Variants in LRBA observed in about 807,000 individuals in gnomAD.
The protein encoded by LRBA is LPS responsive beige-like anchor protein.
A neutral mutation model predicts 330.0 loss-of-function variants in LRBA; 176 were observed. The observed-to-expected ratio is 0.53, with a 90% CI of 0.47 to 0.60. The LOEUF (loss-of-function observed/expected upper bound fraction) is 0.60, where lower values mean the gene tolerates loss of function less well. Among genes scored for constraint, LRBA ranks in the 20% least tolerant of loss-of-function variants. The pLI, the probability that LRBA is intolerant of heterozygous loss-of-function variation, is 0.00. For missense variants in LRBA, 3,259 were observed against 3,444.8 expected, an observed-to-expected ratio of 0.95 and a Z score of 1.35; for synonymous variants, 1,230 against 1,193.0, an observed-to-expected ratio of 1.03 and a Z score of -0.64.
intron 36 of LRBA, among the ~76,000 whole-genome samples, chr4:150,719,266 TTC>T (rs1025933519): frequency 2.0e-5 from 3 of 152,010 alleles, no homozygotes; most frequent in East Asian, 1.9e-4. Flanking sequence ...TACTCCATCA[TTC>T]TCTCTCATTC....
chr4:150,983,449 CTTTTTTTTTTTTT>C (rs35205576), intron 2 of LRBA, among the ~76,000 whole-genome samples: 2 of 107,262 alleles, frequency 1.9e-5, no homozygotes, highest in Non-Finnish European at 3.7e-5. Context: ...AGCAAGCACT[CTTTTTTTTTTTTT>C]TTTTTTTTTG....
intron 36 of LRBA, among the ~76,000 whole-genome samples, chr4:150,703,255 A>G (rs1460172105): frequency 6.6e-6 from 1 of 152,234 alleles, no homozygotes; most frequent in African/African-American, 2.4e-5. Context: ...GAACAAAGTG[A>G]TTACTTTCTT....
intron 38 of LRBA, among the ~76,000 whole-genome samples, chr4:150,594,384 GA>G (rs10716429): frequency 0.017 from 2,613 of 152,018 alleles, 81 homozygotes; most frequent in African/African-American, 0.058. Flanking sequence ...ATGTACTGGG[GA>G]AAAGTATATT....
chr4:150,390,314 C>G (rs1409930764), intron 47 of LRBA, among the ~76,000 whole-genome samples: 2 of 152,168 alleles, frequency 1.3e-5, no homozygotes, highest in East Asian at 3.9e-4. Context: ...AATGTGCTTT[C>G]CCTGGACTTA....
At chr4:150,859,530 T>A (rs1184033747) in intron 22 of LRBA, among the ~76,000 whole-genome samples, 1 of 152,150 alleles carries the variant, frequency 6.6e-6, no homozygotes, top group Non-Finnish European at 1.5e-5. Context: ...TCACAAACGT[T>A]ACTAGGTGCA....
intron 44 of LRBA, among the ~76,000 whole-genome samples, chr4:150,462,262 C>T (rs999782069): frequency 2.6e-5 from 4 of 151,738 alleles, no homozygotes; most frequent in Non-Finnish European, 5.9e-5. Context: ...GAAAAGAAAT[C>T]AACCTCAAAA....
At chr4:150,576,008 C>T (rs1387970051) in intron 40 of LRBA, among the ~76,000 whole-genome samples, 1 of 151,806 alleles carries the variant, frequency 6.6e-6, no homozygotes, top group African/African-American at 2.4e-5. Context: ...AAAGAATAAT[C>T]CACAAATTAT....
rs187849909 is a variant in LRBA, at chr4:150,422,649, A to G, written c.7042-7059T>C. The G allele has an allele frequency of 8.6e-4, 546 of 631,600 alleles. 3 individuals carry two copies. The African/African-American group carries it at 9.0e-3, about 10-fold the overall frequency. The allele number at this position is 631,600 out of a possible 1,614,324, so 39.1% of individuals were successfully genotyped here. On this transcript the variant is annotated intron_variant, in intron 46 of 56. Transcript: ENST00000651943. ...ATGAAGAGCACCCTGAGTTCCTTAG[A>G]AGAACTGGCACTGCTCCGGCTCCTC...
At chr4:150,693,020 C>T (rs1784277447) in intron 36 of LRBA, among the ~76,000 whole-genome samples, 1 of 152,006 alleles carries the variant, frequency 6.6e-6, no homozygotes, top group Non-Finnish European at 1.5e-5. Context: ...ACCAAACAAA[C>T]AGAAGAGATT....
chr4:150,886,986 A>G (rs1729005250), intron 17 of LRBA, among the ~76,000 whole-genome samples: 1 of 152,246 alleles, frequency 6.6e-6, no homozygotes, highest in African/African-American at 2.4e-5. Flanking sequence ...GAATTGAAAA[A>G]GTTCTCCAAA....
intron 47 of LRBA, among the ~76,000 whole-genome samples, chr4:150,391,198 C>T (rs1743872218): frequency 5.3e-5 from 8 of 152,082 alleles, no homozygotes; most frequent in Admixed American, 3.3e-4. Flanking sequence ...GGGGTGACTG[C>T]AAAAGAACAG....
intron 34 of LRBA, among the ~76,000 whole-genome samples, chr4:150,793,334 A>G (rs983783227): frequency 1.3e-5 from 2 of 152,270 alleles, no homozygotes; most frequent in South Asian, 4.1e-4. Flanking sequence ...TTAAGTCACA[A>G]GAAAATGAAA....
intron 2 of LRBA, among the ~76,000 whole-genome samples, chr4:150,963,468 G>A (rs544079665): frequency 1.3e-5 from 2 of 149,652 alleles, no homozygotes; most frequent in Non-Finnish European, 2.9e-5. Flanking sequence ...ATTGCAGACA[G>A]AGTCTCGTTC....
chr4:150,639,031 T>G (rs1446254915), intron 37 of LRBA, among the ~76,000 whole-genome samples: 5 of 115,270 alleles, frequency 4.3e-5, no homozygotes, highest in Non-Finnish European at 8.8e-5. Flanking sequence ...CCATAAAAAA[T>G]GATGAGTTCA....
intron 31 of LRBA, among the ~76,000 whole-genome samples, chr4:150,809,892 TAC>T (rs1743419098): frequency 2.0e-5 from 3 of 149,770 alleles, no homozygotes; most frequent in African/African-American, 7.5e-5. Flanking sequence ...TACGATACGA[TAC>T]GATACGATAC....
intron 46 of LRBA, among the ~76,000 whole-genome samples, chr4:150,423,905 C>T (rs1420645048): frequency 6.6e-6 from 1 of 152,238 alleles, no homozygotes; most frequent in Non-Finnish European, 1.5e-5. Flanking sequence ...GGAGAAAATA[C>T]GTTGTGAAAA....
chr4:150,394,714 G>A (rs1025895569), intron 47 of LRBA, among the ~76,000 whole-genome samples: 3 of 152,142 alleles, frequency 2.0e-5, no homozygotes, highest in Non-Finnish European at 2.9e-5. Flanking sequence ...GAATTTACAT[G>A]GCACAGGCTT....
At chr4:150,700,509 T>C (rs530021984) in intron 36 of LRBA, among the ~76,000 whole-genome samples, 1 of 152,314 alleles carries the variant, frequency 6.6e-6, no homozygotes, top group African/African-American at 2.4e-5. Context: ...AGTGGGTGAA[T>C]GTGAAGGTCT....
At chr4:150,370,451 T>C (rs948961025) in intron 47 of LRBA, among the ~76,000 whole-genome samples, 10 of 152,112 alleles carry the variant, frequency 6.6e-5, no homozygotes, top group Admixed American at 5.9e-4. Flanking sequence ...TTACATACTA[T>C]ATGATTCCAA....
Sources: allele counts gnomAD v4.1 joint callset (sites outside exome capture counted in the v4.1 genomes callset), GRCh38; gene constraint gnomAD v4.1.1; transcripts MANE v1.5; gene names NCBI Gene and HGNC (gene_info 2026-07-23, HGNC 2026-07-21).